The following IL5RA variants were observed in gnomAD, a reference collection of about 807,000 sequenced individuals.
IL5RA encodes the protein interleukin-5 receptor subunit alpha.
Under a neutral mutation model 50.0 loss-of-function variants are expected in IL5RA, and 49 were observed. The ratio of observed to expected loss-of-function variants is 0.98; its 90% CI spans 0.78 to 1.24. The LOEUF (loss-of-function observed/expected upper bound fraction) is 1.24, where lower values mean the gene tolerates loss of function less well. IL5RA is among the 50% of genes most tolerant of loss of function. The probability of loss-of-function intolerance (pLI) is 0.00; values close to 1 mark genes in which losing one functional copy is unlikely to be tolerated. For missense variants in IL5RA, 600 were observed against 500.4 expected, an observed-to-expected ratio of 1.20 and a Z score of -1.90; for synonymous variants, 202 against 174.0, an observed-to-expected ratio of 1.16 and a Z score of -1.26.
chr3:3,101,884 A>C (rs1274303596), intron 4 of IL5RA, 54 bp from the exon 5 acceptor site: 1 of 1,478,148 alleles, frequency 6.8e-7, no homozygotes, highest in Non-Finnish European at 9.3e-7. Context: ...GACTTAAGAG[A>C]GCTATTTTAA....
In IL5RA at chr3:3,069,969, C is replaced by T. The variant is rs1190921529; in HGVS notation, c.*256G>A. ...AAGATTGGCAGGTGAGGAGGTGCTA[C>T]CCTGTACGGCATGGGGAGAAAAAAC... On this transcript the variant is annotated 3_prime_UTR_variant, in exon 12 of 12. Transcript: ENST00000446632. The T allele has an allele frequency of 7.9e-6, 3 of 380,542 alleles. No individual in the cohort carries two copies. Among genetic ancestry groups the T allele is most frequent in the Non-Finnish European group, 1.4e-5 (3 of 211,758 alleles). The allele number at this position is 380,542 out of a possible 1,614,324, so 23.6% of individuals were successfully genotyped here. A position where few individuals can be genotyped will look rare whatever the true frequency, so the allele number is the denominator to read the frequency against.
At chr3:3,103,249 T>C (rs17885964) in intron 3 of IL5RA, among the ~76,000 whole-genome samples, 3,378 of 152,326 alleles carry the variant, frequency 0.022, 83 homozygotes, top group Non-Finnish European at 0.028. Context: ...GGTGTTTACC[T>C]ATAATACCTA....
intron 5 of IL5RA, among the ~76,000 whole-genome samples, chr3:3,100,497 A>G (rs1703593190): frequency 6.6e-6 from 1 of 152,212 alleles, no homozygotes; most frequent in African/African-American, 2.4e-5. Flanking sequence ...CCATGCATTA[A>G]ATGACCAGAA....
At position 3,068,661 on chromosome 3, in the gene IL5RA, T is replaced by G. The variant is rs1038907511; in HGVS notation, c.*1564A>C. ...TTTGAGTGACCAAACATTTTAAACA[T>G]TTTGCCAACTATTGCAGCACCTCCA... On this transcript the variant is annotated 3_prime_UTR_variant, in exon 12 of 12. Transcript: ENST00000446632. 1.3e-5 allele frequency: 2 copies of G among 150,342 alleles called. No homozygotes were observed. The highest frequency in any genetic ancestry group is 2.5e-5 in the African/African-American group (1 of 40,536). 9.3% of individuals were successfully genotyped at this position (150,342 alleles called of 1,614,324 possible). A position where few individuals can be genotyped will look rare whatever the true frequency, so the allele number is the denominator to read the frequency against.
intron 9 of IL5RA, chr3:3,091,958 G>T: frequency 8.4e-7 from 1 of 1,185,406 alleles, no homozygotes. Context: ...TTTAAAAAAT[G>T]GATAGAAGTA....
intron 11 of IL5RA, among the ~76,000 whole-genome samples, chr3:3,073,339 G>A (rs559449314): frequency 1.3e-4 from 18 of 143,010 alleles, no homozygotes; most frequent in Non-Finnish European, 2.9e-4. Context: ...TAAGAAAACT[G>A]TTTGATCTAA....
intron 9 of IL5RA, chr3:3,090,143 C>A: frequency 1.3e-6 from 2 of 1,510,198 alleles, no homozygotes; most frequent in Non-Finnish European, 1.8e-6. Flanking sequence ...TAGTGCTTGG[C>A]AAAATAAATA....
chr3:3,104,296 C>G (rs1703799776), intron 3 of IL5RA, among the ~76,000 whole-genome samples: 1 of 152,230 alleles, frequency 6.6e-6, no homozygotes, highest in South Asian at 2.1e-4. Context: ...GCCCCGGCCT[C>G]CCAAAGTGCT....
intron 5 of IL5RA, among the ~76,000 whole-genome samples, chr3:3,099,544 A>C (rs1575004697): frequency 6.6e-6 from 1 of 152,126 alleles, no homozygotes; most frequent in African/African-American, 2.4e-5. Context: ...TGGGAGGATC[A>C]CTTGAGCTGG....
At position 3,092,095 on chromosome 3, in the gene IL5RA, G is replaced by A. The variant is rs1423965732; in HGVS notation, c.994+129C>T. 1.2e-5 allele frequency: 18 copies of A among 1,449,290 alleles called. 1 individual carries two copies. The highest frequency in any genetic ancestry group is 9.6e-5 in the East Asian group (4 of 41,792). The allele number at this position is 1,449,290 out of a possible 1,614,324, so 89.8% of individuals were successfully genotyped here. A position where few individuals can be genotyped will look rare whatever the true frequency, so the allele number is the denominator to read the frequency against. On this transcript the variant is annotated intron_variant, in intron 9 of 11. Transcript: ENST00000446632. This position sits in a 1 kb window ranked among gnomAD's most constrained non-coding sequence, Gnocchi z 4.2. The stretch of plus-strand genomic sequence containing the variant: ...TTCCTGATTGAAAAGGCAGTAGACC[G>A]AGAGAAAATTAGTCACAATAGAGAT...
intron 3 of IL5RA, among the ~76,000 whole-genome samples, chr3:3,104,447 G>C (rs1351545874): frequency 6.6e-6 from 1 of 152,174 alleles, no homozygotes; most frequent in South Asian, 2.1e-4. Context: ...ATACAACATT[G>C]TCATTACCAT....
intron 9 of IL5RA, among the ~76,000 whole-genome samples, chr3:3,079,903 G>T (rs1702608320): frequency 6.6e-6 from 1 of 151,964 alleles, no homozygotes; most frequent in Non-Finnish European, 1.5e-5. Context: ...GTGTGGTGCC[G>T]CATGGCTGTC....
At position 3,097,945 on chromosome 3, in the gene IL5RA, C is replaced by T. The variant is rs763506705; in HGVS notation, c.634G>A (p.Ala212Thr). 1 of 1,613,980 alleles carries T rather than the reference C, an allele frequency of 6.2e-7. No individual in the cohort carries two copies. The highest frequency in any genetic ancestry group is 1.3e-5 in the African/African-American group (1 of 74,928). ...TTGCTGGAGCCGTTAACAAGCACCG[C>T]AAGCCAGTCACGCCCTTTGCTGAGG... ...FILSKGRDWL[A>T]VLVNGSSKHS... is the part of the protein sequence containing the mutation. The change falls in exon 7 of 12, where the codon GCG (alanine) becomes ACG (threonine). Residue 212 changes from alanine (A) to threonine (T), a missense_variant. Physicochemically the swap from Ala to Thr is moderately conservative, Grantham distance 58. Transcript: ENST00000446632.
intron 4 of IL5RA, among the ~76,000 whole-genome samples, chr3:3,102,381 T>A (rs1033049845): frequency 6.6e-6 from 1 of 152,226 alleles, no homozygotes; most frequent in African/African-American, 2.4e-5. Flanking sequence ...GGTAATTTTA[T>A]GGGAAACAGA....
At chr3:3,102,044 G>A (rs113840280) in intron 4 of IL5RA, among the ~76,000 whole-genome samples, 210 of 152,284 alleles carry the variant, frequency 1.4e-3, no homozygotes, top group Middle Eastern at 6.8e-3. Flanking sequence ...AAATACAAGC[G>A]AAATATTACA....
chr3:3,073,411 G>C (rs1162327939), intron 11 of IL5RA, among the ~76,000 whole-genome samples: 2 of 152,170 alleles, frequency 1.3e-5, no homozygotes, highest in African/African-American at 4.8e-5. Context: ...TTTGGAAAAT[G>C]AAGTTTTACT....
chr3:3,075,189 A>T (rs1702433323), intron 10 of IL5RA, among the ~76,000 whole-genome samples: 1 of 144,168 alleles, frequency 6.9e-6, no homozygotes. Context: ...ATGTTTACTC[A>T]CAGAGTTTAC....
rs1297194084 is a variant in IL5RA at position 3,067,043 on chromosome 3, A to G, written c.*3182T>C. 1 of 152,266 alleles carries G rather than the reference A, an allele frequency of 6.6e-6. No homozygotes were observed. The highest frequency in any genetic ancestry group is 1.5e-5 in the Non-Finnish European group (1 of 68,086). The allele number at this position is 152,266 out of a possible 1,614,324, so 9.4% of individuals were successfully genotyped here. On this transcript the variant is annotated 3_prime_UTR_variant, in exon 12 of 12. Coordinates refer to ENST00000446632, the MANE Select transcript of IL5RA (RefSeq NM_175726.4). Reference sequence around the variant, plus strand: ...AGCCAATATCATGACTTTACCTTACATCAACCTGCTGCTGATGGTGTTTAC... The same window carrying G: ...AGCCAATATCATGACTTTACCTTACGTCAACCTGCTGCTGATGGTGTTTAC...
At chr3:3,102,866 A>T in intron 3 of IL5RA, 46 bp from the exon 4 acceptor site, 1 of 1,541,354 alleles carries the variant, frequency 6.5e-7, no homozygotes, top group East Asian at 2.3e-5. Flanking sequence ...TCAACTGGAC[A>T]TAGGCAGCAC....
Sources: allele counts gnomAD v4.1 joint callset (sites outside exome capture counted in the v4.1 genomes callset), GRCh38; gene constraint gnomAD v4.1.1; non-coding constraint Gnocchi (gnomAD v3.1); transcripts MANE v1.5; gene names NCBI Gene and HGNC (gene_info 2026-07-23, HGNC 2026-07-21).